Variants in GRIP2 observed in about 807,000 individuals in gnomAD.
The protein encoded by GRIP2 is glutamate receptor interacting protein 2.
Under a neutral mutation model 108.3 loss-of-function variants are expected in GRIP2, and 58 were observed. The ratio of observed to expected loss-of-function variants is 0.54; its 90% CI spans 0.43 to 0.67. The LOEUF is 0.67. Among genes scored for constraint, GRIP2 ranks in the 30% least tolerant of loss-of-function variants. The pLI is 0.00. For missense variants in GRIP2, 1,278 were observed against 1,430.6 expected, an observed-to-expected ratio of 0.89 and a Z score of 1.72; for synonymous variants, 586 against 598.2, an observed-to-expected ratio of 0.98 and a Z score of 0.30.
At chr3:14,597,219 A>C in the GRIP2 span, among the ~76,000 whole-genome samples, 1 of 152,252 alleles carries the variant, frequency 6.6e-6, no homozygotes, top group Admixed American at 6.5e-5. Flanking sequence ...AAACAGGTGA[A>C]AACCACCTTC....
intron 23 of GRIP2, among the ~76,000 whole-genome samples, chr3:14,494,376 G>T (rs1233921168): frequency 6.6e-6 from 1 of 152,248 alleles, no homozygotes; most frequent in Non-Finnish European, 1.5e-5. Flanking sequence ...GGGGCGGCAC[G>T]GAGTGCCCAG....
intron 1 of GRIP2, among the ~76,000 whole-genome samples, chr3:14,549,027 C>A (rs1442597770): frequency 6.6e-6 from 1 of 152,230 alleles, no homozygotes; most frequent in Non-Finnish European, 1.5e-5. Flanking sequence ...CTCAGCCCTT[C>A]CTCCACCTGT....
chr3:14,513,385 G>T (rs1180156703), intron 13 of GRIP2, among the ~76,000 whole-genome samples: 3 of 152,174 alleles, frequency 2.0e-5, no homozygotes, highest in Admixed American at 6.5e-5. Context: ...GTTGTTCGAG[G>T]TTCTTTGCCT....
rs767964891 is a variant in GRIP2, at chr3:14,517,045, G to A, written c.1306+19C>T. The stretch of plus-strand genomic sequence containing the variant: ...GACATACAAGCAGCCCAAGGAGGAG[G>A]GAAGAGACCACAGCTTACACGAGCT... On this transcript the variant is annotated intron_variant, in intron 11 of 23. Coordinates refer to ENST00000621039, the MANE Select transcript of GRIP2 (RefSeq NM_001080423.4). The A allele has an allele frequency of 2.7e-6, 4 of 1,508,178 alleles. No homozygotes were observed. The highest frequency in any genetic ancestry group is 2.7e-6 in the Non-Finnish European group (3 of 1,125,846). The allele number at this position is 1,508,178 out of a possible 1,614,324, so 93.4% of individuals were successfully genotyped here.
intron 1 of GRIP2, among the ~76,000 whole-genome samples, chr3:14,535,946 T>C (rs4685193): frequency 0.42 from 64,540 of 152,022 alleles, 14,029 homozygotes; most frequent in East Asian, 0.73. Context: ...TGGAGATGCC[T>C]CAAAGCCAGT....
At chr3:14,520,627 G>A in intron 7 of GRIP2, 90 bp from the exon 8 acceptor site, 2 of 1,383,342 alleles carry the variant, frequency 1.4e-6, no homozygotes, top group Non-Finnish European at 1.0e-6. Flanking sequence ...AATCCTTGCT[G>A]CCTGGAAGAA....
chr3:14,514,782 T>C (rs771481361), intron 11 of GRIP2, among the ~76,000 whole-genome samples: 59 of 152,256 alleles, frequency 3.9e-4, no homozygotes, highest in Non-Finnish European at 4.9e-4. Flanking sequence ...ATTATTGTGC[T>C]GTGATCTACT....
At chr3:14,592,192 T>C in the GRIP2 span, among the ~76,000 whole-genome samples, 1 of 152,242 alleles carries the variant, frequency 6.6e-6, no homozygotes, top group Non-Finnish European at 1.5e-5. Context: ...GGCTGGGTCC[T>C]TGAGCTCAGC....
rs753190956 is a variant in GRIP2, at chr3:14,493,700, G to A, written c.3097C>T (p.Arg1033Ter). 1.7e-5 allele frequency: 28 copies of A among 1,606,668 alleles called. No individual in the cohort carries two copies. The highest frequency in any genetic ancestry group is 3.4e-5 in the Admixed American group (2 of 59,228). The change falls in exon 24 of 24, where the codon CGA (arginine) becomes TGA (stop). Residue 1033 changes from arginine to a stop codon, truncating the protein, a stop_gained. Coordinates refer to ENST00000621039, the MANE Select transcript of GRIP2 (RefSeq NM_001080423.4). LOFTEE classifies it high-confidence loss of function. ...PHTAHSSRAP[R>*]SPGPSSPRML is the part of the protein sequence containing the mutation. The stretch of plus-strand genomic sequence containing the variant: ...CGGGGACTGCTGGGGCCTGGCGATC[G>A]GGGGGCCCGGCTGCTGTGTGCCGTG...
chr3:14,597,541 T>C, the GRIP2 span, among the ~76,000 whole-genome samples: 2 of 152,236 alleles, frequency 1.3e-5, no homozygotes, highest in East Asian at 1.9e-4. Flanking sequence ...GCCCTGAGGC[T>C]TTTTTTATGT....
intron 1 of GRIP2, among the ~76,000 whole-genome samples, chr3:14,537,111 C>T (rs1436069509): frequency 1.3e-5 from 2 of 152,222 alleles, no homozygotes; most frequent in Non-Finnish European, 2.9e-5. Flanking sequence ...ACCTTGGCAA[C>T]TGCACTCTAA....
intron 21 of GRIP2, among the ~76,000 whole-genome samples, chr3:14,502,082 T>C (rs1402741509): frequency 6.6e-6 from 1 of 152,222 alleles, no homozygotes; most frequent in Non-Finnish European, 1.5e-5. Flanking sequence ...AAAGTTTAAT[T>C]ATATTAGTAG....
chr3:14,588,006 T>C, the GRIP2 span, among the ~76,000 whole-genome samples: 16 of 152,204 alleles, frequency 1.1e-4, no homozygotes, highest in African/African-American at 3.6e-4. Flanking sequence ...TTATACAACA[T>C]ACCCAAAAAG....
At chr3:14,520,564 A>G in intron 7 of GRIP2, 27 bp from the exon 8 acceptor site, 1 of 1,612,890 alleles carries the variant, frequency 6.2e-7, no homozygotes, top group African/African-American at 1.3e-5. Flanking sequence ...AAAAAGTTTG[A>G]AATGCAAATA....
the GRIP2 span, among the ~76,000 whole-genome samples, chr3:14,599,681 C>CTGTGTGTGTGTGTGTGTG: frequency 4.1e-3 from 540 of 130,460 alleles, 2 homozygotes; most frequent in African/African-American, 0.015. Flanking sequence ...CTCTCTCTCT[C>CTGTGTGTGTGTGTGTGTG]TCTCTGTGTG....
chr3:14,521,803 A>G lies in GRIP2; in HGVS notation c.567-16T>C, dbSNP rs2124921909. 1 of 1,573,880 alleles carries G rather than the reference A, an allele frequency of 6.4e-7. No individual in the cohort carries two copies. Among genetic ancestry groups the G allele is most frequent in the South Asian group, 1.2e-5 (1 of 84,876 alleles). On this transcript the variant is annotated splice_polypyrimidine_tract_variant and intron_variant, in intron 6 of 23. Transcript: ENST00000621039. The surrounding 1 kb of genome is among the most constrained non-coding windows in gnomAD (Gnocchi z 5.1). ...GGAGCCCTCCCTGTAGGGAAGGGCC[A>G]GTCACCAGCCTGGCCCGGCAGCAGC...
At chr3:14,533,424 G>C (rs2124946672) in intron 1 of GRIP2, among the ~76,000 whole-genome samples, 1 of 152,360 alleles carries the variant, frequency 6.6e-6, no homozygotes, top group African/African-American at 2.4e-5. Flanking sequence ...GTGGGGGAGG[G>C]AGAAGGATTA....
intron 2 of GRIP2, 121 bp downstream of exon 2, chr3:14,525,730 T>A (rs1694536318): frequency 7.7e-7 from 1 of 1,304,324 alleles, no homozygotes; most frequent in Non-Finnish European, 1.1e-6. Context: ...ATCAGAGAGG[T>A]TAAGTGGCTG....
rs2124827997 is a variant in GRIP2, at chr3:14,494,971, G to T, written c.2842C>A (p.Pro948Thr). 6.2e-7 allele frequency: 1 copy of T among 1,613,878 alleles called. No homozygotes were observed. Among genetic ancestry groups the T allele is most frequent in the Non-Finnish European group, 8.5e-7 (1 of 1,179,818 alleles). ...EMHKVTLHKD[P>T]MRHDFGFSVS... ...CTGAAACCAAAGTCATGCCGCATGG[G>T]GTCCTTGTGCAGGGTCACCTGGAAG... The change falls in exon 23 of 24, where the codon CCC becomes ACC. Residue 948 changes from proline (P) to threonine (T), a missense_variant. Coordinates refer to ENST00000621039, the MANE Select transcript of GRIP2 (RefSeq NM_001080423.4).
Sources: gnomAD v4.1 joint callset for allele counts (sites outside exome capture counted in the v4.1 genomes callset) on GRCh38, gnomAD v4.1.1 for gene constraint, Gnocchi (gnomAD v3.1) non-coding constraint, MANE v1.5 for transcripts, NCBI Gene and HGNC (gene_info 2026-07-23, HGNC 2026-07-21) for gene names.